Variants in MBOAT1 observed in about 807,000 individuals in gnomAD.
MBOAT1 encodes membrane bound glycerophospholipid O-acyltransferase 1, also known as membrane-bound glycerophospholipid O-acyltransferase 1.
A neutral mutation model predicts 64.4 loss-of-function variants in MBOAT1; 67 were observed. That is an observed-to-expected ratio of 1.04 (90% CI 0.85 to 1.27). MBOAT1 has a LOEUF of 1.27. MBOAT1 is among the 50% of genes most tolerant of loss of function. The pLI is 0.00. For missense variants in MBOAT1, 563 were observed against 604.6 expected (o/e 0.93, Z 0.72); for synonymous variants, 229 against 218.9 (o/e 1.05, Z -0.41).
intron 12 of MBOAT1, among the ~76,000 whole-genome samples, chr6:20,109,009 G>T (rs1218251682): frequency 2.0e-5 from 3 of 152,218 alleles, no homozygotes; most frequent in African/African-American, 7.2e-5. Flanking sequence ...GCAATTAGAG[G>T]TTTGCAGTTC....
chr6:20,103,245 C>T (rs1379193608), intron 12 of MBOAT1, among the ~76,000 whole-genome samples: 1 of 152,068 alleles, frequency 6.6e-6, no homozygotes, highest in African/African-American at 2.4e-5. Context: ...AGGTGGAAGA[C>T]AGTGATATTG....
chr6:20,170,442 G>T (rs1016176860), intron 1 of MBOAT1, among the ~76,000 whole-genome samples: 2 of 152,176 alleles, frequency 1.3e-5, no homozygotes, highest in African/African-American at 4.8e-5. Flanking sequence ...CAACAAGCCA[G>T]CTGTTCAGGC....
At chr6:20,142,600 C>T (rs1761209329) in intron 4 of MBOAT1, among the ~76,000 whole-genome samples, 1 of 152,108 alleles carries the variant, frequency 6.6e-6, no homozygotes, top group Admixed American at 6.5e-5. Context: ...CAGGTGCCTG[C>T]CATGACACCC....
chr6:20,190,098 A>C (rs1192971761), intron 1 of MBOAT1, among the ~76,000 whole-genome samples: 3 of 151,798 alleles, frequency 2.0e-5, no homozygotes, highest in South Asian at 2.1e-4. Context: ...GGGTTCAAGC[A>C]ATTCTCCTGC....
intron 1 of MBOAT1, among the ~76,000 whole-genome samples, chr6:20,162,836 C>T (rs1761901967): frequency 6.6e-6 from 1 of 152,160 alleles, no homozygotes; most frequent in Admixed American, 6.5e-5. Context: ...TTCTTTGAGG[C>T]ATGTGTAAAC....
At chr6:20,171,135 G>A (rs986989470) in intron 1 of MBOAT1, among the ~76,000 whole-genome samples, 51 of 152,288 alleles carry the variant, frequency 3.3e-4, no homozygotes, top group African/African-American at 1.2e-3. Context: ...ACCAGACATT[G>A]AGAAAACCTT....
At chr6:20,137,088 T>C (rs1206988397) in intron 4 of MBOAT1, among the ~76,000 whole-genome samples, 1 of 152,164 alleles carries the variant, frequency 6.6e-6, no homozygotes, top group African/African-American at 2.4e-5. Flanking sequence ...TTGATTTCCT[T>C]ATGGTAATTT....
Position 20,212,219 on chromosome 6 carries a change from G to A in MBOAT1, c.16C>T (p.Gln6Ter). 1 of 1,612,538 alleles carries A rather than the reference G, an allele frequency of 6.2e-7. No individual in the cohort carries two copies. Among genetic ancestry groups the A allele is most frequent in the Non-Finnish European group, 8.5e-7 (1 of 1,179,790 alleles). The change falls in exon 1 of 13, where the codon CAG becomes TAG. Residue 6 changes from glutamine (Q) to a stop codon, truncating the protein, a stop_gained. Transcript: ENST00000324607. LOFTEE classifies it high-confidence loss of function. ...GTGCGGTAGGAAAGGCTGGACGGCT[G>A]CGGCTCTGCTGCCATCCTGCATCTT... MAAEP[Q>*]PSSLSYRTTG...
At chr6:20,105,912 T>C (rs1333076119) in intron 12 of MBOAT1, among the ~76,000 whole-genome samples, 5 of 152,242 alleles carry the variant, frequency 3.3e-5, no homozygotes, top group African/African-American at 1.2e-4. Context: ...TCTTTCATAA[T>C]ATATTTAAGT....
chr6:20,149,476 C>T (rs1419696343), intron 3 of MBOAT1, among the ~76,000 whole-genome samples: 1 of 152,072 alleles, frequency 6.6e-6, no homozygotes, highest in Non-Finnish European at 1.5e-5. Flanking sequence ...TAATTGCTTC[C>T]AAAACCAAGT....
intron 3 of MBOAT1, among the ~76,000 whole-genome samples, chr6:20,147,451 C>T (rs999758711): frequency 2.0e-5 from 3 of 152,194 alleles, no homozygotes; most frequent in African/African-American, 7.2e-5. Flanking sequence ...ACCAGCCTGA[C>T]CAATATGGAG....
Position 20,111,835 on chromosome 6 carries a change from C to CATATATATACATATATAT in MBOAT1, c.1209+1040_1209+1041insATATATATGTATATATAT. On this transcript the variant is annotated intron_variant, in intron 11 of 12. Transcript: ENST00000324607. ...ATATACATATATATACATATATATA[C>CATATATATACATATATAT]ACATATATATACATATATATATACA... is the stretch of plus-strand genomic sequence containing the variant. Among the ~76,000 whole-genome samples, 72 of 86,778 alleles carry CATATATATACATATATAT rather than the reference C, an allele frequency of 8.3e-4. 3 individuals carry two copies. Among genetic ancestry groups the CATATATATACATATATAT allele is most frequent in the African/African-American group, 2.0e-3 (48 of 24,302 alleles). 56.9% of individuals were successfully genotyped at this position (86,778 alleles called of 152,430 possible).
intron 1 of MBOAT1, among the ~76,000 whole-genome samples, chr6:20,168,323 G>T (rs1222397490): frequency 1.3e-5 from 2 of 152,020 alleles, no homozygotes; most frequent in African/African-American, 4.8e-5. Context: ...GAAATAGCCA[G>T]GCATAATGGC....
chr6:20,158,575 G>A (rs767906059), intron 1 of MBOAT1, among the ~76,000 whole-genome samples: 1 of 152,034 alleles, frequency 6.6e-6, no homozygotes, highest in Non-Finnish European at 1.5e-5. Flanking sequence ...ATAGGTAAAC[G>A]AAAGCACACC....
At chr6:20,115,408 A>T in intron 9 of MBOAT1, 56 bp from the exon 10 acceptor site, 1 of 1,416,832 alleles carries the variant, frequency 7.1e-7, no homozygotes, top group Non-Finnish European at 1.0e-6. Context: ...GAAGTAATGG[A>T]AAGTTCTCCC....
chr6:20,206,696 A>G (rs1763277255), intron 1 of MBOAT1, among the ~76,000 whole-genome samples: 1 of 152,010 alleles, frequency 6.6e-6, no homozygotes, highest in South Asian at 2.1e-4. Flanking sequence ...GGGACCTCAT[A>G]GTCTTCTCCA....
Position 20,126,586 on chromosome 6 carries a change from T to C in MBOAT1, c.645A>G (p.Ile215Met), listed in dbSNP as rs750640635. 22 of 1,614,040 alleles carry C rather than the reference T, an allele frequency of 1.4e-5. No homozygotes were observed. Among genetic ancestry groups the C allele is most frequent in the Non-Finnish European group, 1.7e-5 (20 of 1,179,986 alleles). Residue 215 changes from isoleucine (I) to methionine (M), a missense_variant, in exon 7 of 13, where the codon ATA becomes ATG. Physicochemically the swap from Ile to Met is conservative, Grantham distance 10. Transcript: ENST00000324607. ...AGTTCACCTCCAGCAACTTCATGTG[T>C]ATATGCTTCCCCTCAATGAAGGCTA... ...DYIAFIEGKH[I>M]HMKLLEVNWK...
intron 1 of MBOAT1, among the ~76,000 whole-genome samples, chr6:20,167,128 T>C (rs1762038350): frequency 6.6e-6 from 1 of 152,162 alleles, no homozygotes; most frequent in African/African-American, 2.4e-5. Context: ...TGTTGTCTAT[T>C]AGTTGCCCGA....
At chr6:20,133,706 T>G (rs1302856485) in intron 4 of MBOAT1, among the ~76,000 whole-genome samples, 1 of 152,248 alleles carries the variant, frequency 6.6e-6, no homozygotes, top group Non-Finnish European at 1.5e-5. Context: ...AGCCTATCTT[T>G]CTGTCTCTGT....
Sources: gnomAD v4.1 joint callset for allele counts (sites outside exome capture counted in the v4.1 genomes callset) on GRCh38, gnomAD v4.1.1 for gene constraint, MANE v1.5 for transcripts, NCBI Gene and HGNC (gene_info 2026-07-23, HGNC 2026-07-21) for gene names.